ENOX1: variants seen among roughly 807,000 people sequenced by gnomAD.
ENOX1 encodes the protein candidate growth-related and time keeping constitutive hydroquinone (NADH) oxidase.
In ENOX1, 42 loss-of-function variants were observed where a neutral mutation model predicts 82.5. The observed-to-expected ratio is 0.51, with a 90% CI of 0.40 to 0.66. ENOX1 has a LOEUF of 0.66. Ranked by LOEUF, ENOX1 falls within the 30% of genes least tolerant of loss-of-function variation. ENOX1 has a pLI of 0.00. For missense variants in ENOX1, 608 were observed against 811.6 expected (o/e 0.75, Z 3.05); for synonymous variants, 271 against 282.2 (o/e 0.96, Z 0.40).
chr13:43,473,648 T>C (rs929997285), intron 3 of ENOX1, among the ~76,000 whole-genome samples: 8 of 152,200 alleles, frequency 5.3e-5, no homozygotes, highest in Non-Finnish European at 1.5e-5. Context: ...GGGCTATCAA[T>C]AGAAGCTAAA....
rs192003961 is a variant in ENOX1, at chr13:43,649,337, C to T, written c.-219+18142G>A. 2.0e-4 allele frequency among the ~76,000 whole-genome samples: 31 copies of T among 152,286 alleles called. 1 individual carries two copies. Among genetic ancestry groups the T allele is most frequent in the African/African-American group, 9.6e-5 (4 of 41,572 alleles). ...GACACACGCAAACAATGCAGGGCAA[C>T]GCAAATTACCTTCACACCCTGGTTA... On this transcript the variant is annotated intron_variant, in intron 2 of 16. Transcript: ENST00000690772.
At chr13:43,246,421 C>T (rs2043084978) in intron 14 of ENOX1, among the ~76,000 whole-genome samples, 2 of 152,202 alleles carry the variant, frequency 1.3e-5, no homozygotes, top group Non-Finnish European at 2.9e-5. Context: ...CAGCCAGGCT[C>T]CAGGCAGGCC....
At chr13:43,271,246 T>G (rs950801005) in intron 12 of ENOX1, among the ~76,000 whole-genome samples, 2 of 151,998 alleles carry the variant, frequency 1.3e-5, no homozygotes, top group African/African-American at 2.4e-5. Context: ...AGAAGGGAGG[T>G]GGACATTAAT....
intron 2 of ENOX1, among the ~76,000 whole-genome samples, chr13:43,505,631 G>A (rs1047559149): frequency 3.3e-5 from 5 of 151,894 alleles, no homozygotes; most frequent in Admixed American, 1.3e-4. Flanking sequence ...GTTTGAGTTC[G>A]TTGTAGATTC....
At chr13:43,668,846 C>T (rs191980413) in intron 1 of ENOX1, among the ~76,000 whole-genome samples, 10 of 152,238 alleles carry the variant, frequency 6.6e-5, no homozygotes, top group South Asian at 4.2e-4. Flanking sequence ...AGAAGCAGTC[C>T]GCCTACAGGT....
intron 1 of ENOX1, among the ~76,000 whole-genome samples, chr13:43,717,208 A>G (rs1245604327): frequency 5.3e-5 from 8 of 152,186 alleles, no homozygotes; most frequent in Admixed American, 5.2e-4. Context: ...AGACCAACAG[A>G]ATAGCATACA....
chr13:43,494,812 T>C (rs1460209932), intron 2 of ENOX1, among the ~76,000 whole-genome samples: 1 of 152,176 alleles, frequency 6.6e-6, no homozygotes, highest in Non-Finnish European at 1.5e-5. Flanking sequence ...GCTATTGCTA[T>C]TTGAATAGGT....
intron 2 of ENOX1, among the ~76,000 whole-genome samples, chr13:43,494,067 GA>G (rs1247469899): frequency 6.6e-6 from 1 of 152,114 alleles, no homozygotes; most frequent in Non-Finnish European, 1.5e-5. Context: ...AATGGCATGG[GA>G]AAAACTGCCC....
At chr13:43,332,818 C>T (rs1433466037) in intron 9 of ENOX1, among the ~76,000 whole-genome samples, 2 of 151,970 alleles carry the variant, frequency 1.3e-5, no homozygotes, top group Non-Finnish European at 2.9e-5. Flanking sequence ...TAGATTACCC[C>T]TACTGACTAA....
At position 43,771,740 on chromosome 13, in the gene ENOX1, C is replaced by G. The variant is rs1397730192; in HGVS notation, c.-285+14912G>C. ...AAAAAGTTCTCAAAAACTCTGGCTT[C>G]TAAAATCAGTTCATTGGTGTGATAT... is the stretch of plus-strand genomic sequence containing the variant. On this transcript the variant is annotated intron_variant, in intron 1 of 16. Transcript: ENST00000690772. Among the ~76,000 whole-genome samples, 6 of 151,864 alleles carry G rather than the reference C, an allele frequency of 4.0e-5. No individual in the cohort carries two copies. In the South Asian group the frequency reaches 1.0e-3, roughly 26 times the overall value.
rs142804146 is a variant in ENOX1 at position 43,369,176 on chromosome 13, G to C, written c.209-7724C>G. Among the ~76,000 whole-genome samples the C allele has an allele frequency of 3.9e-5, 6 of 152,180 alleles. No individual in the cohort carries two copies. In the East Asian group the frequency reaches 1.2e-3, roughly 29 times the overall value. ...CTGATTCTCTTTCCCACTGTTCCTG[G>C]TCAAATCCATAAAGAAAGCACACAA... On this transcript the variant is annotated intron_variant, in intron 5 of 16. Coordinates refer to ENST00000690772, the MANE Select transcript of ENOX1 (RefSeq NM_001347969.2).
At chr13:43,270,183 G>T (rs2044605900) in intron 12 of ENOX1, among the ~76,000 whole-genome samples, 1 of 152,160 alleles carries the variant, frequency 6.6e-6, no homozygotes, top group Non-Finnish European at 1.5e-5. Context: ...TGTAAGCCCT[G>T]AGCTTCCCTT....
At chr13:43,618,651 T>A (rs2082588973) in intron 2 of ENOX1, among the ~76,000 whole-genome samples, 2 of 152,304 alleles carry the variant, frequency 1.3e-5, no homozygotes, top group East Asian at 3.9e-4. Context: ...GGCCTTATAG[T>A]TTGAAATCAG....
At chr13:43,269,792 CTTG>C (rs1311705297) in intron 12 of ENOX1, among the ~76,000 whole-genome samples, 2 of 152,146 alleles carry the variant, frequency 1.3e-5, no homozygotes, top group Non-Finnish European at 2.9e-5. Flanking sequence ...ATGCACAAAA[CTTG>C]TTTTCATATT....
chr13:43,392,212 G>C (rs1318698275), intron 5 of ENOX1, among the ~76,000 whole-genome samples: 1 of 152,166 alleles, frequency 6.6e-6, no homozygotes, highest in African/African-American at 2.4e-5. Context: ...TTCCTTTATA[G>C]TAATCATTAC....
chr13:43,628,426 T>A lies in ENOX1; in HGVS notation c.-219+39053A>T, dbSNP rs553804616. Among the ~76,000 whole-genome samples, 3 of 152,296 alleles carry A rather than the reference T, an allele frequency of 2.0e-5. No individual in the cohort carries two copies. The South Asian group carries it at 6.2e-4, about 32-fold the overall frequency. The stretch of plus-strand genomic sequence containing the variant: ...TGAGCATCTTATTTCAGTTTCTGTA[T>A]TCTCAGTTGTAAAATGTTCATTTAG... On this transcript the variant is annotated intron_variant, in intron 2 of 16. Transcript: ENST00000690772.
chr13:43,340,440 T>C (rs1027975665), intron 9 of ENOX1, among the ~76,000 whole-genome samples: 44 of 152,244 alleles, frequency 2.9e-4, no homozygotes, highest in African/African-American at 1.0e-3. Context: ...TCGGTTGATA[T>C]CTGCCAACTG....
intron 3 of ENOX1, among the ~76,000 whole-genome samples, chr13:43,470,552 A>G (rs1254600358): frequency 6.6e-6 from 1 of 150,512 alleles, no homozygotes; most frequent in Non-Finnish European, 1.5e-5. Context: ...TAAATTAGCA[A>G]GGCTCAGATT....
chr13:43,735,923 C>T (rs1394787652), intron 1 of ENOX1, among the ~76,000 whole-genome samples: 1 of 152,148 alleles, frequency 6.6e-6, no homozygotes, highest in African/African-American at 2.4e-5. Flanking sequence ...CAGGAAGAAT[C>T]CTTGCTTCTG....
Sources: allele counts gnomAD v4.1 joint callset (sites outside exome capture counted in the v4.1 genomes callset), GRCh38; gene constraint gnomAD v4.1.1; transcripts MANE v1.5; gene names NCBI Gene and HGNC (gene_info 2026-07-23, HGNC 2026-07-21).